Variants in CCDC91 observed in about 807,000 individuals in gnomAD.
The protein encoded by CCDC91 is coiled-coil domain-containing protein 91.
A neutral mutation model predicts 63.2 loss-of-function variants in CCDC91; 48 were observed. That is an observed-to-expected ratio of 0.76 (90% CI 0.60 to 0.97). The LOEUF (loss-of-function observed/expected upper bound fraction) is 0.97. Ranked by LOEUF, CCDC91 falls within the 50% of genes least tolerant of loss-of-function variation. The pLI, the probability that CCDC91 is intolerant of heterozygous loss-of-function variation, is 0.00. For missense variants in CCDC91, 500 were observed against 494.6 expected (o/e 1.01, Z -0.10); for synonymous variants, 167 against 165.8 (o/e 1.01, Z -0.06).
chr12:28,282,382 T>G (rs1158787118), intron 3 of CCDC91, among the ~76,000 whole-genome samples: 1 of 152,184 alleles, frequency 6.6e-6, no homozygotes, highest in Non-Finnish European at 1.5e-5. Context: ...TGTTCCTGAC[T>G]TACTTCACTT....
intron 1 of CCDC91, among the ~76,000 whole-genome samples, chr12:28,234,469 TCTG>T (rs1327829227): frequency 1.3e-5 from 2 of 152,186 alleles, no homozygotes; most frequent in African/African-American, 2.4e-5. Flanking sequence ...AACAACTACT[TCTG>T]CTGCTATCTT....
At chr12:28,419,165 G>A (rs868509012) in intron 8 of CCDC91, among the ~76,000 whole-genome samples, 2 of 152,154 alleles carry the variant, frequency 1.3e-5, no homozygotes, top group South Asian at 4.1e-4. Context: ...CTGCAACCCA[G>A]TGTGGAAAGC....
chr12:28,222,901 C>A (rs1423981483), intron 1 of CCDC91, among the ~76,000 whole-genome samples: 1 of 152,124 alleles, frequency 6.6e-6, no homozygotes, highest in Admixed American at 6.6e-5. Flanking sequence ...CCAGTAATAT[C>A]ATCTCTAAAG....
intron 1 of CCDC91, among the ~76,000 whole-genome samples, chr12:28,228,334 G>T (rs1279635336): frequency 3.3e-5 from 5 of 151,982 alleles, no homozygotes; most frequent in Admixed American, 6.6e-5. Flanking sequence ...TTTCTCAGTT[G>T]TTGCATAGAT....
At chr12:28,431,609 A>G (rs1370354425) in intron 8 of CCDC91, among the ~76,000 whole-genome samples, 1 of 151,980 alleles carries the variant, frequency 6.6e-6, no homozygotes, top group African/African-American at 2.4e-5. Context: ...TTCTAGCTAG[A>G]TTTTTGTTCT....
intron 7 of CCDC91, among the ~76,000 whole-genome samples, chr12:28,377,758 T>C (rs1025705086): frequency 6.6e-6 from 1 of 151,994 alleles, no homozygotes; most frequent in African/African-American, 2.4e-5. Context: ...TTTCAAGATA[T>C]TGCCACTACA....
chr12:28,356,247 T>C (rs1943517695), intron 6 of CCDC91, among the ~76,000 whole-genome samples: 1 of 152,200 alleles, frequency 6.6e-6, no homozygotes, highest in Non-Finnish European at 1.5e-5. Context: ...TTGCAAGGAT[T>C]ATGGCTCCTT....
intron 6 of CCDC91, among the ~76,000 whole-genome samples, chr12:28,309,531 G>T (rs1036904563): frequency 6.6e-6 from 1 of 151,762 alleles, no homozygotes; most frequent in African/African-American, 2.4e-5. Context: ...TATTCATTCG[G>T]TCTTATAGGA....
chr12:28,349,023 A>G (rs1592385182), intron 6 of CCDC91, among the ~76,000 whole-genome samples: 1 of 152,060 alleles, frequency 6.6e-6, no homozygotes, highest in East Asian at 1.9e-4. Flanking sequence ...CATGACTGGC[A>G]ATCTTATTTT....
intron 12 of CCDC91, among the ~76,000 whole-genome samples, chr12:28,540,920 A>G (rs1268343254): frequency 6.6e-6 from 1 of 152,082 alleles, no homozygotes; most frequent in African/African-American, 2.4e-5. Context: ...GGAGCTGGAT[A>G]TTTTGAGGCC....
chr12:28,196,631 C>G (rs1941791987), intron 1 of CCDC91, among the ~76,000 whole-genome samples: 1 of 152,098 alleles, frequency 6.6e-6, no homozygotes, highest in African/African-American at 2.4e-5. Flanking sequence ...CTCTTTAACT[C>G]CTGCTTAGAG....
intron 8 of CCDC91, among the ~76,000 whole-genome samples, chr12:28,432,707 T>C (rs778441777): frequency 6.6e-6 from 1 of 152,158 alleles, no homozygotes; most frequent in Non-Finnish European, 1.5e-5. Context: ...TTTGTGGACA[T>C]GAGTTTTCAA....
At chr12:28,464,690 A>G (rs988384397) in intron 11 of CCDC91, among the ~76,000 whole-genome samples, 25 of 152,168 alleles carry the variant, frequency 1.6e-4, no homozygotes, top group African/African-American at 5.8e-4. Context: ...ACCAGCAGCA[A>G]TACCCAGTTA....
intron 1 of CCDC91, among the ~76,000 whole-genome samples, chr12:28,198,104 G>C (rs1941924418): frequency 6.6e-6 from 1 of 152,116 alleles, no homozygotes; most frequent in Non-Finnish European, 1.5e-5. Flanking sequence ...GAAATAATTA[G>C]TTTGTGAAGT....
At chr12:28,463,128 G>A (rs1007318434) in intron 11 of CCDC91, among the ~76,000 whole-genome samples, 2 of 152,116 alleles carry the variant, frequency 1.3e-5, no homozygotes, top group African/African-American at 4.8e-5. Context: ...ATATTACAGT[G>A]AACTACAGAA....
At chr12:28,446,620 G>A (rs1164845419) in intron 8 of CCDC91, among the ~76,000 whole-genome samples, 2 of 152,036 alleles carry the variant, frequency 1.3e-5, no homozygotes, top group Non-Finnish European at 2.9e-5. Context: ...ATGCCACTAT[G>A]CCCAACTAAT....
chr12:28,306,467 G>T (rs1467348244), intron 4 of CCDC91, among the ~76,000 whole-genome samples: 2 of 152,036 alleles, frequency 1.3e-5, no homozygotes, highest in African/African-American at 4.8e-5. Context: ...ACATTTTCAA[G>T]CACAGGAAAA....
chr12:28,259,104 A>G (rs74819505), intron 2 of CCDC91, among the ~76,000 whole-genome samples: 5,507 of 152,170 alleles, frequency 0.036, 161 homozygotes, highest in South Asian at 0.13. Flanking sequence ...AAGAATATAT[A>G]AAATAAAAAT....
chr12:28,378,568 G>T (rs1210599758), intron 7 of CCDC91, among the ~76,000 whole-genome samples: 1 of 152,006 alleles, frequency 6.6e-6, no homozygotes, highest in Non-Finnish European at 1.5e-5. Context: ...TCAAAGAGAG[G>T]AAAAGTAAAA....
Sources: gnomAD v4.1 joint callset for allele counts (sites outside exome capture counted in the v4.1 genomes callset) on GRCh38, gnomAD v4.1.1 for gene constraint, MANE v1.5 for transcripts, NCBI Gene and HGNC (gene_info 2026-07-23, HGNC 2026-07-21) for gene names.